Variants in ALDH1A2 observed in about 807,000 individuals in gnomAD.
ALDH1A2 encodes retinal dehydrogenase 2.
A neutral mutation model predicts 60.3 loss-of-function variants in ALDH1A2; 27 were observed. That is an observed-to-expected ratio of 0.45 (90% CI 0.33 to 0.62). ALDH1A2 has a LOEUF of 0.62. ALDH1A2 is among the 20% of genes least tolerant of loss of function. ALDH1A2 has a pLI of 0.02. For missense variants in ALDH1A2, 581 were observed against 643.8 expected, an observed-to-expected ratio of 0.90 and a Z score of 1.06; for synonymous variants, 289 against 232.4, an observed-to-expected ratio of 1.24 and a Z score of -2.21.
intron 7 of ALDH1A2, among the ~76,000 whole-genome samples, chr15:57,975,791 G>C (rs1894231461): frequency 6.6e-6 from 1 of 151,814 alleles, no homozygotes; most frequent in East Asian, 1.9e-4. Flanking sequence ...ATAATCTATA[G>C]TGCCAGAAAG....
chr15:58,006,539 G>C (rs953883075), intron 4 of ALDH1A2, among the ~76,000 whole-genome samples: 14 of 151,848 alleles, frequency 9.2e-5, no homozygotes, highest in African/African-American at 3.1e-4. Context: ...CCCATTAGTG[G>C]GATTGCTGGA....
intron 9 of ALDH1A2, among the ~76,000 whole-genome samples, chr15:57,962,754 T>A (rs1369339953): frequency 2.6e-5 from 4 of 152,160 alleles, no homozygotes; most frequent in Non-Finnish European, 5.9e-5. Context: ...GAGTTATCAT[T>A]TGCTTATTAT....
At chr15:57,994,426 C>T (rs1352139462) in intron 5 of ALDH1A2, among the ~76,000 whole-genome samples, 1 of 152,120 alleles carries the variant, frequency 6.6e-6, no homozygotes, top group African/African-American at 2.4e-5. Context: ...CCTTGAAATC[C>T]CTGCCAGAAC....
chr15:57,994,012 C>G (rs145648117), intron 5 of ALDH1A2, among the ~76,000 whole-genome samples: 4 of 152,172 alleles, frequency 2.6e-5, no homozygotes, highest in African/African-American at 9.7e-5. Flanking sequence ...TGTTTTAATT[C>G]CATCTACAGT....
chr15:58,022,287 G>A, intron 1 of ALDH1A2, among the ~76,000 whole-genome samples: 1 of 152,228 alleles, frequency 6.6e-6, no homozygotes, highest in South Asian at 2.1e-4. Flanking sequence ...ATTCCGTACA[G>A]GGTACTGAGG....
rs971514250 is a variant in ALDH1A2, at chr15:57,992,800, C to A, written c.703G>T (p.Val235Phe). The A allele has an allele frequency of 3.1e-6, 5 of 1,613,948 alleles. No individual in the cohort carries two copies. The highest frequency in any genetic ancestry group is 1.7e-5 in the Admixed American group (1 of 59,992). The change falls in exon 7 of 13, where the codon GTC (valine) becomes TTC (phenylalanine). Residue 235 changes from valine (V) to phenylalanine (F), a missense_variant. By Grantham distance (50) the Val-to-Phe change is conservative (BLOSUM62 -1). This residue lies in a region of ALDH1A2 where 375 missense variants were observed against 469.7 expected (regional missense o/e 0.80). Coordinates refer to ENST00000249750, the MANE Select transcript of ALDH1A2 (RefSeq NM_003888.4). The part of the protein sequence containing the change: ...LIKEAGFPPG[V>F]INILPGYGPT... ...CCATATCCTGGCAAAATATTGATGA[C>A]CCCGGGAGGAAAGCCAGCCTAAGAA...
In ALDH1A2 at chr15:57,995,115, C is replaced by A. The variant is rs1895007683; in HGVS notation, c.518G>T (p.Arg173Ile). The A allele has an allele frequency of 6.3e-7, 1 of 1,575,348 alleles. No individual in the cohort carries two copies. The highest frequency in any genetic ancestry group is 1.4e-5 in the African/African-American group (1 of 72,120). ...TCCACACACTCCAATGGGTTCATGT[C>A]TTGTAAAGGTAAAATAGTCTCCATC... ...PVDGDYFTFT[R>I]HEPIGVCGQI... is the part of the protein sequence containing the mutation. Residue 173 changes from arginine to isoleucine, a missense_variant, in exon 5 of 13, where the codon AGA becomes ATA. This residue lies in a region of ALDH1A2 where 375 missense variants were observed against 469.7 expected (regional missense o/e 0.80). Coordinates refer to ENST00000249750, the MANE Select transcript of ALDH1A2 (RefSeq NM_003888.4).
At position 58,035,499 on chromosome 15, in the gene ALDH1A2, T is replaced by C. The variant is rs569572111; in HGVS notation, c.118-21218A>G. 2.0e-5 allele frequency among the ~76,000 whole-genome samples: 3 copies of C among 151,840 alleles called. No homozygotes were observed. The East Asian group carries it at 5.8e-4, about 29-fold the overall frequency. Reference sequence around the variant, plus strand: ...TTTCTGTTTACATTACTCTTCTTTTTCTAGTTTCCTAAAAAAGCTTAGACT... The same window carrying C: ...TTTCTGTTTACATTACTCTTCTTTTCCTAGTTTCCTAAAAAAGCTTAGACT... On this transcript the variant is annotated intron_variant, in intron 1 of 12. Transcript: ENST00000249750.
At chr15:58,051,902 G>C (rs1417220764) in intron 1 of ALDH1A2, among the ~76,000 whole-genome samples, 3 of 152,142 alleles carry the variant, frequency 2.0e-5, no homozygotes, top group South Asian at 2.1e-4. Flanking sequence ...TGGTTTTCAT[G>C]AGCTTAGCTT....
chr15:58,003,748 C>A (rs1424030671), intron 4 of ALDH1A2, among the ~76,000 whole-genome samples: 2 of 151,786 alleles, frequency 1.3e-5, no homozygotes, highest in Non-Finnish European at 2.9e-5. Flanking sequence ...TAAAAATACT[C>A]AAAATGGAGA....
Position 57,962,170 on chromosome 15 carries a change from T to C in ALDH1A2, c.1093A>G (p.Lys365Glu). The C allele has an allele frequency of 3.1e-6, 5 of 1,614,142 alleles. No individual in the cohort carries two copies. Among genetic ancestry groups the C allele is most frequent in the Non-Finnish European group, 4.2e-6 (5 of 1,180,002 alleles). The change falls in exon 10 of 13, where the codon AAG becomes GAG. Residue 365 changes from lysine (K) to glutamate (E), a missense_variant. By Grantham distance (56) the Lys-to-Glu change is moderately conservative (BLOSUM62 1). Coordinates refer to ENST00000249750, the MANE Select transcript of ALDH1A2 (RefSeq NM_003888.4). ...TCCAAGATCTTGTTGTACTGTTTCTTATCAATCTGTGGGAGACAAGACTTA... is the reference window on the plus strand; with the variant it reads ...TCCAAGATCTTGTTGTACTGTTTCTCATCAATCTGTGGGAGACAAGACTTA... ...PTTEQGPQID[K>E]KQYNKILELI...
At chr15:58,063,196 C>G (rs560320520) in intron 1 of ALDH1A2, among the ~76,000 whole-genome samples, 1 of 152,188 alleles carries the variant, frequency 6.6e-6, no homozygotes, top group Non-Finnish European at 1.5e-5. Flanking sequence ...TACAGAAAGT[C>G]ATATCCTTCA....
intron 1 of ALDH1A2, among the ~76,000 whole-genome samples, chr15:58,028,921 A>G (rs147073582): frequency 1.7e-3 from 261 of 152,304 alleles, no homozygotes; most frequent in African/African-American, 5.9e-3. Context: ...AGACCTACAA[A>G]GAGACTTAGA....
chr15:57,980,503 A>G, intron 7 of ALDH1A2: 1 of 277,632 alleles, frequency 3.6e-6, no homozygotes, highest in East Asian at 9.7e-5. Context: ...TCTGGAAGTC[A>G]GGCTCAATGG....
intron 7 of ALDH1A2, among the ~76,000 whole-genome samples, chr15:57,984,684 T>A (rs1430673816): frequency 6.6e-6 from 1 of 152,380 alleles, no homozygotes; most frequent in East Asian, 1.9e-4. Flanking sequence ...GCAGCATGTA[T>A]AAATACCTCA....
intron 1 of ALDH1A2, among the ~76,000 whole-genome samples, chr15:58,020,247 C>T (rs1164936473): frequency 6.6e-6 from 1 of 152,152 alleles, no homozygotes; most frequent in Non-Finnish European, 1.5e-5. Flanking sequence ...TGATTCCACA[C>T]CTTTGCTATT....
At chr15:58,024,675 C>T (rs180691053) in intron 1 of ALDH1A2, among the ~76,000 whole-genome samples, 30 of 152,260 alleles carry the variant, frequency 2.0e-4, no homozygotes, top group African/African-American at 6.0e-4. Flanking sequence ...AACCAAAAAG[C>T]ACTGGATTTA....
At chr15:58,043,476 A>G (rs1205923064) in intron 1 of ALDH1A2, among the ~76,000 whole-genome samples, 3 of 151,988 alleles carry the variant, frequency 2.0e-5, no homozygotes, top group Admixed American at 6.6e-5. Flanking sequence ...TTCCTTCTCT[A>G]AAGAGTGTAT....
chr15:58,026,075 A>G (rs1231108518), intron 1 of ALDH1A2, among the ~76,000 whole-genome samples: 3 of 152,238 alleles, frequency 2.0e-5, no homozygotes, highest in Admixed American at 1.3e-4. Flanking sequence ...AAATCATTCT[A>G]TAAGGCTAGC....
Sources: allele counts gnomAD v4.1 joint callset (sites outside exome capture counted in the v4.1 genomes callset), GRCh38; gene constraint gnomAD v4.1.1; regional missense constraint gnomAD v4.1.1; transcripts MANE v1.5; gene names NCBI Gene and HGNC (gene_info 2026-07-23, HGNC 2026-07-21).